Variants in DPF3 observed in about 807,000 individuals in gnomAD.
The protein encoded by DPF3 is zinc finger protein DPF3.
A neutral mutation model predicts 56.8 loss-of-function variants in DPF3; 18 were observed. The ratio of observed to expected loss-of-function variants is 0.32; its 90% CI spans 0.22 to 0.47. DPF3 has a LOEUF of 0.47. DPF3 is among the 20% of genes least tolerant of loss of function. The pLI, the probability that DPF3 is intolerant of heterozygous loss-of-function variation, is 1.00. For missense variants in DPF3, 403 were observed against 488.8 expected, an observed-to-expected ratio of 0.82 and a Z score of 1.65; for synonymous variants, 188 against 180.2, an observed-to-expected ratio of 1.04 and a Z score of -0.35.
intron 8 of DPF3, among the ~76,000 whole-genome samples, chr14:72,636,768 C>T (rs1026942512): frequency 1.3e-5 from 2 of 152,208 alleles, no homozygotes; most frequent in African/African-American, 4.8e-5. Context: ...AAGACACCTG[C>T]AAATCGATGA....
At chr14:72,853,049 ATG>A (rs59395885) in intron 1 of DPF3, among the ~76,000 whole-genome samples, 8 of 149,040 alleles carry the variant, frequency 5.4e-5, no homozygotes, top group African/African-American at 1.5e-4. Flanking sequence ...GTGTGTGTGT[ATG>A]TGTGTGTGTG....
At chr14:72,653,597 T>C (rs776308456) in intron 8 of DPF3, among the ~76,000 whole-genome samples, 2 of 152,238 alleles carry the variant, frequency 1.3e-5, no homozygotes, top group Non-Finnish European at 2.9e-5. Context: ...TCACATTCAG[T>C]GACCTATCAG....
At chr14:72,682,364 G>A (rs1887201964) in intron 7 of DPF3, among the ~76,000 whole-genome samples, 1 of 152,130 alleles carries the variant, frequency 6.6e-6, no homozygotes, top group African/African-American at 2.4e-5. Flanking sequence ...GGCAACTTGT[G>A]ATTGCTACCA....
At chr14:72,759,051 AC>A (rs1335894353) in intron 2 of DPF3, among the ~76,000 whole-genome samples, 1 of 152,214 alleles carries the variant, frequency 6.6e-6, no homozygotes, top group Non-Finnish European at 1.5e-5. Flanking sequence ...GAACATTAAA[AC>A]ATTATTTGTA....
rs1302009195 is a variant in DPF3, at chr14:72,618,638, G to A, written c.*659C>T. Among the ~76,000 whole-genome samples the A allele has an allele frequency of 3.9e-5, 6 of 152,030 alleles. No individual in the cohort carries two copies. The highest frequency in any genetic ancestry group is 1.4e-4 in the African/African-American group (6 of 41,390). On this transcript the variant is annotated 3_prime_UTR_variant, in exon 11 of 11. Coordinates refer to ENST00000556509, the MANE Select transcript of DPF3 (RefSeq NM_001280542.3). ...AATGTTTCCTCCCATGTCTCTGCGC[G>A]TCTCCCTCCCTCCCCGCCCCCATCT...
chr14:72,766,878 C>T (rs996175611), intron 2 of DPF3, among the ~76,000 whole-genome samples: 1 of 152,172 alleles, frequency 6.6e-6, no homozygotes, highest in African/African-American at 2.4e-5. Flanking sequence ...AGCCAGAGAA[C>T]CAGGAAAGGA....
chr14:72,741,970 C>T (rs1399353408), intron 3 of DPF3, among the ~76,000 whole-genome samples: 2 of 152,246 alleles, frequency 1.3e-5, no homozygotes. Context: ...GCTCCCAGAG[C>T]CCTGCAGAAC....
intron 3 of DPF3, among the ~76,000 whole-genome samples, chr14:72,750,334 C>T (rs1319728578): frequency 6.6e-6 from 1 of 152,088 alleles, no homozygotes; most frequent in South Asian, 2.1e-4. Context: ...TCTAAGGTAT[C>T]GTATAGTGCT....
chr14:72,878,946 G>A (rs536343883), intron 1 of DPF3, among the ~76,000 whole-genome samples: 1 of 152,374 alleles, frequency 6.6e-6, no homozygotes, highest in Non-Finnish European at 1.5e-5. Context: ...TGCCGTGAAG[G>A]CAGAGAATGA....
intron 4 of DPF3, among the ~76,000 whole-genome samples, chr14:72,725,359 T>C (rs1176220389): frequency 6.6e-6 from 1 of 152,042 alleles, no homozygotes. Context: ...AGGGGAGGCC[T>C]ACATGAGAAC....
intron 3 of DPF3, among the ~76,000 whole-genome samples, chr14:72,749,622 A>G (rs556309321): frequency 5.5e-4 from 83 of 152,282 alleles, no homozygotes; most frequent in African/African-American, 1.9e-3. Context: ...AGCTCCCCTA[A>G]TTCCCACGTT....
intron 1 of DPF3, among the ~76,000 whole-genome samples, chr14:72,784,149 C>T (rs975011017): frequency 1.3e-5 from 2 of 152,122 alleles, no homozygotes; most frequent in South Asian, 2.1e-4. Context: ...TTTCACCCGC[C>T]GCAAAGTTGA....
intron 1 of DPF3, among the ~76,000 whole-genome samples, chr14:72,885,068 G>A (rs1404390478): frequency 7.0e-6 from 1 of 142,788 alleles, no homozygotes; most frequent in Non-Finnish European, 1.5e-5. Flanking sequence ...GGAGCTTGCA[G>A]TGAGCCGAGA....
chr14:72,744,449 T>A (rs1890248286), intron 3 of DPF3, among the ~76,000 whole-genome samples: 1 of 152,124 alleles, frequency 6.6e-6, no homozygotes, highest in African/African-American at 2.4e-5. Context: ...AATTTTTGTA[T>A]TTTTTGTAGA....
intron 3 of DPF3, among the ~76,000 whole-genome samples, chr14:72,732,476 T>A (rs926678318): frequency 6.6e-6 from 1 of 152,158 alleles, no homozygotes; most frequent in African/African-American, 2.4e-5. Flanking sequence ...CTTTCCTCCA[T>A]GAAAAGCTAG....
rs552222738 is a variant in DPF3 at position 72,721,009 on chromosome 14, T to A, written c.525+2624A>T. On this transcript the variant is annotated intron_variant, in intron 5 of 10. Transcript: ENST00000556509. ...TGAGATGTTCTGCATTCCTTTTTCA[T>A]ACTAAGTCTTCAAAATTTCATATTT... is the stretch of plus-strand genomic sequence containing the variant. Among the ~76,000 whole-genome samples, 5 of 152,358 alleles carry A rather than the reference T, an allele frequency of 3.3e-5. No homozygotes were observed. In the South Asian group the frequency reaches 1.0e-3, roughly 32 times the overall value.
At chr14:72,662,745 G>C (rs1218694775) in intron 8 of DPF3, 3 of 993,858 alleles carry the variant, frequency 3.0e-6, no homozygotes, top group Non-Finnish European at 3.6e-6. Flanking sequence ...GGAGGAGGAG[G>C]AGGAGGTGCC....
intron 1 of DPF3, among the ~76,000 whole-genome samples, chr14:72,817,381 G>A (rs1343464586): frequency 6.6e-6 from 1 of 152,154 alleles, no homozygotes; most frequent in Non-Finnish European, 1.5e-5. Flanking sequence ...TAATGGCTGG[G>A]CACGGTGGCT....
intron 8 of DPF3, chr14:72,670,917 T>G: frequency 7.9e-7 from 1 of 1,272,040 alleles, no homozygotes. Flanking sequence ...CATTCTGCTG[T>G]TTTGTTTTGT....
Sources: allele counts gnomAD v4.1 joint callset (sites outside exome capture counted in the v4.1 genomes callset), GRCh38; gene constraint gnomAD v4.1.1; transcripts MANE v1.5; gene names NCBI Gene and HGNC (gene_info 2026-07-23, HGNC 2026-07-21).